The following NFIA variants were observed in gnomAD, a reference collection of about 807,000 sequenced individuals.
NFIA encodes the protein nuclear factor I A, also known as nuclear factor 1 A-type.
Under a neutral mutation model 62.8 loss-of-function variants are expected in NFIA, and 8 were observed. That is an observed-to-expected ratio of 0.13 (90% CI 0.07 to 0.23). The LOEUF (loss-of-function observed/expected upper bound fraction) is 0.23. Among genes scored for constraint, NFIA ranks in the 10% least tolerant of loss-of-function variants. The pLI is 1.00. For missense variants in NFIA, 410 were observed against 642.1 expected (o/e 0.64, Z 3.91); for synonymous variants, 235 against 238.1 (o/e 0.99, Z 0.12).
chr1:61,237,338 A>G (rs1291111924), intron 2 of NFIA, among the ~76,000 whole-genome samples: 3 of 152,200 alleles, frequency 2.0e-5, no homozygotes, highest in African/African-American at 7.2e-5. Context: ...TACATGAGTA[A>G]GTTCTTTAGT....
chr1:61,207,189 G>A (rs1570380528), intron 2 of NFIA, among the ~76,000 whole-genome samples: 1 of 152,138 alleles, frequency 6.6e-6, no homozygotes, highest in Non-Finnish European at 1.5e-5. Flanking sequence ...TTTGTACAAT[G>A]TACAGAATTT....
At chr1:61,250,532 C>A (rs1655960772) in intron 2 of NFIA, among the ~76,000 whole-genome samples, 1 of 152,040 alleles carries the variant, frequency 6.6e-6, no homozygotes. Flanking sequence ...GTATGATTGG[C>A]CAAATTTTTC....
At chr1:61,300,753 T>G (rs1158799824) in intron 3 of NFIA, among the ~76,000 whole-genome samples, 1 of 152,064 alleles carries the variant, frequency 6.6e-6, no homozygotes, top group African/African-American at 2.4e-5. Flanking sequence ...GCTCGATATG[T>G]ATGTATGTGT....
intron 2 of NFIA, among the ~76,000 whole-genome samples, chr1:61,184,812 C>G (rs1006409904): frequency 6.6e-6 from 1 of 152,144 alleles, no homozygotes; most frequent in African/African-American, 2.4e-5. Context: ...TGGTAAAATG[C>G]AACCTGGAGA....
intron 2 of NFIA, among the ~76,000 whole-genome samples, chr1:61,180,546 C>A (rs569340609): frequency 2.6e-4 from 40 of 152,132 alleles, no homozygotes; most frequent in Admixed American, 2.6e-3. Flanking sequence ...AGAAGAGTAG[C>A]TTTTAGTTGT....
At chr1:61,133,105 A>C (rs1647110501) in intron 2 of NFIA, 3 of 151,634 alleles carry the variant, frequency 2.0e-5, no homozygotes. Context: ...ATAATTTTGA[A>C]CCTCTCCTTT....
At chr1:61,358,222 T>A (rs1427969888) in intron 5 of NFIA, among the ~76,000 whole-genome samples, 1 of 152,082 alleles carries the variant, frequency 6.6e-6, no homozygotes, top group Non-Finnish European at 1.5e-5. Context: ...TTATTTGTTT[T>A]GTTCACTGAT....
intron 3 of NFIA, among the ~76,000 whole-genome samples, chr1:61,326,498 A>T (rs949770111): frequency 1.3e-5 from 2 of 151,594 alleles, no homozygotes. Context: ...AGGTGAGCCC[A>T]GTTTGAGTTT....
intron 2 of NFIA, among the ~76,000 whole-genome samples, chr1:61,143,029 C>G (rs993731669): frequency 7.2e-5 from 11 of 152,254 alleles, no homozygotes; most frequent in Admixed American, 6.5e-4. Context: ...CCTGGCTTCA[C>G]CTGTTTACAT....
At chr1:61,437,816 A>T (rs1450781288) in intron 10 of NFIA, among the ~76,000 whole-genome samples, 2 of 152,158 alleles carry the variant, frequency 1.3e-5, no homozygotes, top group Admixed American at 6.5e-5. Context: ...CAGTGCATGC[A>T]AAGGAACAGC....
intron 2 of NFIA, among the ~76,000 whole-genome samples, chr1:61,176,726 AT>A (rs780115641): frequency 6.6e-4 from 100 of 151,880 alleles, no homozygotes; most frequent in East Asian, 4.8e-3. Flanking sequence ...TTCTTTAAAA[AT>A]TTTTTTTTCT....
At chr1:61,247,609 GC>G (rs1357666500) in intron 2 of NFIA, among the ~76,000 whole-genome samples, 1 of 152,178 alleles carries the variant, frequency 6.6e-6, no homozygotes, top group Non-Finnish European at 1.5e-5. Context: ...GAAGAAAGTA[GC>G]ATTATGTGTG....
chr1:61,263,686 A>G (rs1426408062), intron 2 of NFIA, among the ~76,000 whole-genome samples: 8 of 152,226 alleles, frequency 5.3e-5, no homozygotes, highest in Admixed American at 1.3e-4. Context: ...CGAGGGAAGT[A>G]GCTACTCTCA....
intron 2 of NFIA, among the ~76,000 whole-genome samples, chr1:61,091,208 C>G (rs1232895836): frequency 6.6e-6 from 1 of 152,002 alleles, no homozygotes; most frequent in Non-Finnish European, 1.5e-5. Context: ...CCTAGATGGT[C>G]ATAGAAATTA....
At chr1:61,333,735 C>T (rs1661431011) in intron 4 of NFIA, among the ~76,000 whole-genome samples, 2 of 152,280 alleles carry the variant, frequency 1.3e-5, no homozygotes, top group Non-Finnish European at 1.5e-5. Flanking sequence ...CGGTGGCTCA[C>T]GCTTGTAATC....
At chr1:61,349,625 G>A (rs995664880) in intron 4 of NFIA, among the ~76,000 whole-genome samples, 1 of 152,092 alleles carries the variant, frequency 6.6e-6, no homozygotes, top group African/African-American at 2.4e-5. Flanking sequence ...CCAGGCTGGA[G>A]TTGTAGTGAC....
Position 61,150,227 on chromosome 1 carries a change from A to T in NFIA, c.559+61547A>T, listed in dbSNP as rs143930421. ...CCACTCAGCTCTGTGTTCTCTGCCAAGTCCCTTTAGATCAATGTGTCGCAT... is the reference window on the plus strand; with the variant it reads ...CCACTCAGCTCTGTGTTCTCTGCCATGTCCCTTTAGATCAATGTGTCGCAT... On this transcript the variant is annotated intron_variant, in intron 2 of 10. Coordinates refer to ENST00000403491, the MANE Select transcript of NFIA (RefSeq NM_001134673.4). 3.5e-3 allele frequency among the ~76,000 whole-genome samples: 532 copies of T among 152,340 alleles called. 3 individuals carry two copies. Among genetic ancestry groups the T allele is most frequent in the Admixed American group, 8.4e-3 (129 of 15,302 alleles).
At chr1:61,209,970 ACTTC>A (rs999388862) in intron 2 of NFIA, among the ~76,000 whole-genome samples, 5 of 152,232 alleles carry the variant, frequency 3.3e-5, no homozygotes, top group African/African-American at 1.2e-4. Flanking sequence ...ATCTTGGTAT[ACTTC>A]CTTCCAGCCT....
At position 61,192,947 on chromosome 1, in the gene NFIA, T is replaced by C. The variant is rs374200437; in HGVS notation, c.560-84573T>C. Among the ~76,000 whole-genome samples, 46 of 152,328 alleles carry C rather than the reference T, an allele frequency of 3.0e-4. 2 individuals carry two copies. The South Asian group carries it at 7.7e-3, about 25-fold the overall frequency. ...TTTTCATCCTGCATCTTGGCCTTTG[T>C]GCTTACCTGGCCCTAGCTTAGATTT... is the stretch of plus-strand genomic sequence containing the variant. On this transcript the variant is annotated intron_variant, in intron 2 of 10. Coordinates refer to ENST00000403491, the MANE Select transcript of NFIA (RefSeq NM_001134673.4).
Sources: allele counts gnomAD v4.1 joint callset (sites outside exome capture counted in the v4.1 genomes callset), GRCh38; gene constraint gnomAD v4.1.1; transcripts MANE v1.5; gene names NCBI Gene and HGNC (gene_info 2026-07-23, HGNC 2026-07-21).